Variants in GULP1 observed in about 807,000 individuals in gnomAD.
GULP1 encodes GULP PTB domain containing engulfment adaptor 1.
GULP1 carries 19 observed loss-of-function variants against 40.9 expected under a neutral mutation model. That is an observed-to-expected ratio of 0.46 (90% CI 0.32 to 0.68). GULP1 has a LOEUF of 0.68. Among genes scored for constraint, GULP1 ranks in the 30% least tolerant of loss-of-function variants. GULP1 has a pLI of 0.03. For missense variants in GULP1, 312 were observed against 362.2 expected (o/e 0.86, Z 1.12); for synonymous variants, 119 against 117.6 (o/e 1.01, Z -0.08).
rs566194926 is a variant in GULP1 at position 188,595,885 on chromosome 2, C to T, written c.*1874C>T. ...AAATTGTATTTCTATGTAAACTCAA[C>T]GATATGTTTGGTTTTCCTGAAAATA... On this transcript the variant is annotated 3_prime_UTR_variant, in exon 12 of 12. Transcript: ENST00000409830. 3.3e-4 allele frequency: 50 copies of T among 152,158 alleles called. No individual in the cohort carries two copies. The highest frequency in any genetic ancestry group is 3.4e-3 in the Middle Eastern group (1 of 294). The allele number at this position is 152,158 out of a possible 1,614,324, so 9.4% of individuals were successfully genotyped here.
At chr2:188,554,362 A>AT (rs544742162) in intron 7 of GULP1, among the ~76,000 whole-genome samples, 148 of 151,186 alleles carry the variant, frequency 9.8e-4, no homozygotes, top group Non-Finnish European at 1.2e-3. Context: ...TGTTTCAAGA[A>AT]TTTTTTTTTA....
chr2:188,322,119 T>A (rs1245847618), intron 1 of GULP1, among the ~76,000 whole-genome samples: 1 of 152,108 alleles, frequency 6.6e-6, no homozygotes, highest in Non-Finnish European at 1.5e-5. Flanking sequence ...TGGGAAAAAA[T>A]TTGTGCATTA....
intron 7 of GULP1, among the ~76,000 whole-genome samples, chr2:188,552,669 T>C (rs1472175369): frequency 2.0e-5 from 3 of 151,704 alleles, no homozygotes; most frequent in Non-Finnish European, 4.4e-5. Context: ...GTCAGTATTT[T>C]GATAGGCATT....
At chr2:188,349,345 T>C (rs1574617801) in intron 1 of GULP1, among the ~76,000 whole-genome samples, 1 of 152,224 alleles carries the variant, frequency 6.6e-6, no homozygotes, top group Non-Finnish European at 1.5e-5. Flanking sequence ...GTGGCTGCAG[T>C]ATTTTACAAT....
chr2:188,436,222 TTTTG>T (rs932716854), intron 2 of GULP1, among the ~76,000 whole-genome samples: 3 of 152,080 alleles, frequency 2.0e-5, no homozygotes, highest in Non-Finnish European at 2.9e-5. Flanking sequence ...TTGTTCCTGT[TTTTG>T]TTTGTTTGTT....
At chr2:188,562,751 C>T (rs1278280873) in intron 7 of GULP1, among the ~76,000 whole-genome samples, 1 of 152,036 alleles carries the variant, frequency 6.6e-6, no homozygotes, top group Non-Finnish European at 1.5e-5. Flanking sequence ...TTTGAATGCA[C>T]ATGGAATGTT....
chr2:188,536,115 T>A (rs550750443), intron 6 of GULP1, among the ~76,000 whole-genome samples: 2 of 152,226 alleles, frequency 1.3e-5, no homozygotes, highest in South Asian at 4.1e-4. Context: ...GGATGCATAG[T>A]TTGCAAATAT....
chr2:188,389,079 G>C (rs1335137869), intron 2 of GULP1, among the ~76,000 whole-genome samples: 3 of 152,166 alleles, frequency 2.0e-5, no homozygotes, highest in Admixed American at 2.0e-4. Context: ...GGGGATTAAA[G>C]AAACAGGCCT....
chr2:188,520,104 C>T (rs919385084), intron 4 of GULP1, among the ~76,000 whole-genome samples: 5 of 152,110 alleles, frequency 3.3e-5, no homozygotes, highest in African/African-American at 9.7e-5. Context: ...TCTTTTTCTG[C>T]TTAAAATTTC....
intron 6 of GULP1, among the ~76,000 whole-genome samples, chr2:188,538,909 T>C (rs1689683877): frequency 6.6e-6 from 1 of 152,158 alleles, no homozygotes; most frequent in African/African-American, 2.4e-5. Flanking sequence ...TAAATTTATT[T>C]ATAGTTAAAC....
intron 4 of GULP1, among the ~76,000 whole-genome samples, chr2:188,502,614 A>G (rs753691187): frequency 9.2e-5 from 14 of 151,916 alleles, no homozygotes; most frequent in Non-Finnish European, 1.9e-4. Flanking sequence ...AACAGGTCCC[A>G]CAATGTGTGA....
At chr2:188,403,352 C>T (rs1163650067) in intron 2 of GULP1, among the ~76,000 whole-genome samples, 1 of 151,956 alleles carries the variant, frequency 6.6e-6, no homozygotes, top group Non-Finnish European at 1.5e-5. Flanking sequence ...GATAGTAACA[C>T]ATAAATATAT....
At chr2:188,418,841 T>C (rs887298014) in intron 2 of GULP1, among the ~76,000 whole-genome samples, 1 of 152,202 alleles carries the variant, frequency 6.6e-6, no homozygotes, top group Non-Finnish European at 1.5e-5. Context: ...TCATTTTGCT[T>C]GACTGAAACT....
chr2:188,522,539 T>C (rs1320062157), intron 4 of GULP1, among the ~76,000 whole-genome samples: 2 of 151,958 alleles, frequency 1.3e-5, no homozygotes, highest in Non-Finnish European at 2.9e-5. Context: ...AACAAGTATG[T>C]TTTTAAAAAT....
At chr2:188,538,093 A>G (rs973391882) in intron 6 of GULP1, among the ~76,000 whole-genome samples, 4 of 151,924 alleles carry the variant, frequency 2.6e-5, no homozygotes, top group African/African-American at 9.7e-5. Context: ...TTGTTTATGT[A>G]GCTAGTGGTC....
chr2:188,494,755 G>C (rs1005823718), intron 4 of GULP1, among the ~76,000 whole-genome samples: 1 of 151,842 alleles, frequency 6.6e-6, no homozygotes, highest in African/African-American at 2.4e-5. Context: ...GTGACTTTTG[G>C]TTTGTCTTCT....
chr2:188,355,634 A>T (rs1559143962), intron 1 of GULP1, among the ~76,000 whole-genome samples: 2 of 152,020 alleles, frequency 1.3e-5, no homozygotes, highest in East Asian at 1.9e-4. Flanking sequence ...TCAAACTATT[A>T]AAAAAATTGA....
intron 11 of GULP1, chr2:188,589,660 AC>A (rs1703120553): frequency 3.0e-6 from 2 of 658,530 alleles, no homozygotes; most frequent in East Asian, 6.2e-5. Context: ...TCAATGTTAA[AC>A]CGTGGTGTTT....
intron 2 of GULP1, among the ~76,000 whole-genome samples, chr2:188,402,763 T>A (rs2052492590): frequency 6.6e-6 from 1 of 152,002 alleles, no homozygotes; most frequent in Admixed American, 6.6e-5. Context: ...AATTCCTGAG[T>A]GAGTTTTGAA....
Sources: allele counts gnomAD v4.1 joint callset (sites outside exome capture counted in the v4.1 genomes callset), GRCh38; gene constraint gnomAD v4.1.1; transcripts MANE v1.5; gene names NCBI Gene and HGNC (gene_info 2026-07-23, HGNC 2026-07-21).